The following MACROD2 variants were observed in gnomAD, a reference collection of about 807,000 sequenced individuals.
The protein encoded by MACROD2 is mono-ADP ribosylhydrolase 2.
MACROD2 carries 36 observed loss-of-function variants against 70.4 expected under a neutral mutation model. The ratio of observed to expected loss-of-function variants is 0.51; its 90% CI spans 0.39 to 0.68. MACROD2 has a LOEUF of 0.68. MACROD2 is among the 30% of genes least tolerant of loss of function. The probability of loss-of-function intolerance (pLI) is 0.00; values close to 1 mark genes in which losing one functional copy is unlikely to be tolerated. For synonymous variants in MACROD2, 172 were observed against 178.8 expected (o/e 0.96, Z 0.30); for missense variants, 496 against 538.4 (o/e 0.92, Z 0.78).
intron 7 of MACROD2, among the ~76,000 whole-genome samples, chr20:15,469,231 T>C (rs1432639758): frequency 6.6e-6 from 1 of 152,224 alleles, no homozygotes; most frequent in Non-Finnish European, 1.5e-5. Context: ...CGATTGATGT[T>C]AAAATCTGTT....
intron 6 of MACROD2, among the ~76,000 whole-genome samples, chr20:15,354,754 A>G (rs1417909600): frequency 6.6e-6 from 1 of 152,228 alleles, no homozygotes; most frequent in Non-Finnish European, 1.5e-5. Flanking sequence ...ACTGAAATTG[A>G]TGGATTATTA....
chr20:15,673,426 G>C (rs1283170125), intron 8 of MACROD2, among the ~76,000 whole-genome samples: 1 of 152,158 alleles, frequency 6.6e-6, no homozygotes, highest in Non-Finnish European at 1.5e-5. Context: ...ACTATCCAGA[G>C]TCTCAAATCT....
chr20:15,052,003 G>A (rs1035413533), intron 5 of MACROD2, among the ~76,000 whole-genome samples: 5 of 152,086 alleles, frequency 3.3e-5, no homozygotes, highest in African/African-American at 1.2e-4. Context: ...CGCCCGTCCC[G>A]GCCTTCCAAA....
At chr20:14,355,049 G>A (rs941908180) in intron 3 of MACROD2, among the ~76,000 whole-genome samples, 1 of 152,270 alleles carries the variant, frequency 6.6e-6, no homozygotes, top group Admixed American at 6.5e-5. Context: ...TGGGCACCTA[G>A]GTTGATTCCA....
intron 3 of MACROD2, among the ~76,000 whole-genome samples, chr20:14,215,337 T>C (rs13044446): frequency 0.16 from 20,694 of 130,878 alleles, 1,890 homozygotes; most frequent in East Asian, 0.31. Flanking sequence ...CCATCATATA[T>C]ACACACACAC....
At chr20:15,410,128 ATAAAAACACTT>A (rs1393177713) in intron 6 of MACROD2, among the ~76,000 whole-genome samples, 1 of 152,204 alleles carries the variant, frequency 6.6e-6, no homozygotes, top group Non-Finnish European at 1.5e-5. Context: ...TGGAGGAATA[ATAAAAACACTT>A]TAAAGCAATA....
At chr20:15,669,331 T>C (rs1480758210) in intron 8 of MACROD2, among the ~76,000 whole-genome samples, 1 of 152,192 alleles carries the variant, frequency 6.6e-6, no homozygotes, top group African/African-American at 2.4e-5. Context: ...ATGTGCAGGG[T>C]ATAAGTTTTT....
chr20:14,109,502 A>G (rs1468217627), intron 3 of MACROD2, among the ~76,000 whole-genome samples: 2 of 151,780 alleles, frequency 1.3e-5, no homozygotes, highest in Non-Finnish European at 1.5e-5. Context: ...ATGAACCCAT[A>G]TTTAGCCAGA....
At chr20:14,462,475 T>TA (rs2084384137) in intron 3 of MACROD2, among the ~76,000 whole-genome samples, 2 of 152,076 alleles carry the variant, frequency 1.3e-5, no homozygotes, top group Non-Finnish European at 2.9e-5. Flanking sequence ...TTTCTCCCAT[T>TA]CTGTAGGTTG....
intron 4 of MACROD2, among the ~76,000 whole-genome samples, chr20:14,662,558 A>G (rs1212056625): frequency 6.6e-6 from 1 of 152,246 alleles, no homozygotes; most frequent in African/African-American, 2.4e-5. Context: ...GACAACCTAC[A>G]GAATGGGAGA....
intron 9 of MACROD2, among the ~76,000 whole-genome samples, chr20:15,874,072 C>A (rs1260176047): frequency 2.2e-5 from 3 of 136,092 alleles, no homozygotes; most frequent in Non-Finnish European, 3.2e-5. Context: ...CCAGCCCCCC[C>A]ACCCCCCAAC....
At chr20:14,180,570 AG>A (rs1333766308) in intron 3 of MACROD2, among the ~76,000 whole-genome samples, 2 of 152,148 alleles carry the variant, frequency 1.3e-5, no homozygotes, top group African/African-American at 4.8e-5. Context: ...GGTGTTGTTC[AG>A]GCATTTAGAT....
intron 5 of MACROD2, among the ~76,000 whole-genome samples, chr20:14,800,829 TGTA>T (rs1808367213): frequency 6.6e-6 from 1 of 150,868 alleles, no homozygotes; most frequent in Admixed American, 6.6e-5. Context: ...CCTATTTAAT[TGTA>T]GTGCTCTGCC....
At chr20:15,249,020 G>A (rs1198104575) in intron 6 of MACROD2, among the ~76,000 whole-genome samples, 3 of 152,172 alleles carry the variant, frequency 2.0e-5, no homozygotes, top group Non-Finnish European at 4.4e-5. Flanking sequence ...TAACAACCAG[G>A]TGATTGCTAA....
chr20:15,372,125 T>C (rs981250805), intron 6 of MACROD2, among the ~76,000 whole-genome samples: 1 of 152,336 alleles, frequency 6.6e-6, no homozygotes, highest in South Asian at 2.1e-4. Flanking sequence ...ATTCATTTCA[T>C]CTCTATGGAA....
intron 7 of MACROD2, among the ~76,000 whole-genome samples, chr20:15,480,865 C>T (rs1294894877): frequency 2.6e-5 from 4 of 152,140 alleles, no homozygotes; most frequent in African/African-American, 9.7e-5. Flanking sequence ...AGCTCCTGCT[C>T]TCTCTTGTTG....
rs1211049702 is a variant in MACROD2, at chr20:14,084,061, C to CAAAAAAAA, written c.164-1558_164-1551dup. 1.4e-3 allele frequency among the ~76,000 whole-genome samples: 84 copies of CAAAAAAAA among 59,848 alleles called. 28 individuals are homozygous for CAAAAAAAA. The highest frequency in any genetic ancestry group is 2.0e-3 in the African/African-American group (29 of 14,484). 39.3% of individuals were successfully genotyped at this position (59,848 alleles called of 152,430 possible). On this transcript the variant is annotated intron_variant, in intron 2 of 17. Transcript: ENST00000684519. ...TGGGCGTCAGAGCGAGACTCCGTCTCAAAAAAAAACAAAAAACAAACAAAA... is the reference window on the plus strand; with the variant it reads ...TGGGCGTCAGAGCGAGACTCCGTCTCAAAAAAAAAAAAAAAAACAAAAAACAAACAAAA...
chr20:15,754,683 C>CTTTTTTTT (rs536927554), intron 8 of MACROD2, among the ~76,000 whole-genome samples: 1 of 132,768 alleles, frequency 7.5e-6, no homozygotes, highest in African/African-American at 2.8e-5. Context: ...TCTATTCAAT[C>CTTTTTTTT]TTTTTTTTTT....
chr20:14,736,403 T>C (rs2071664995), intron 5 of MACROD2, among the ~76,000 whole-genome samples: 1 of 152,202 alleles, frequency 6.6e-6, no homozygotes, highest in Non-Finnish European at 1.5e-5. Context: ...TAGATAGTGG[T>C]GACTGCTGTA....
Sources: gnomAD v4.1 joint callset for allele counts (sites outside exome capture counted in the v4.1 genomes callset) on GRCh38, gnomAD v4.1.1 for gene constraint, MANE v1.5 for transcripts, NCBI Gene and HGNC (gene_info 2026-07-23, HGNC 2026-07-21) for gene names.